The following COL10A1 variants were observed in gnomAD, a reference collection of about 807,000 sequenced individuals.
COL10A1 encodes the protein collagen alpha-1(X) chain.
In COL10A1, 10 loss-of-function variants were observed where a neutral mutation model predicts 18.2. The observed-to-expected ratio is 0.55, with a 90% CI of 0.34 to 0.93. The LOEUF (loss-of-function observed/expected upper bound fraction) is 0.93. COL10A1 is among the 40% of genes least tolerant of loss of function. The probability of loss-of-function intolerance (pLI) is 0.02; values close to 1 mark genes in which losing one functional copy is unlikely to be tolerated. For missense variants in COL10A1, 897 were observed against 853.5 expected (o/e 1.05, Z -0.64); for synonymous variants, 330 against 316.6 (o/e 1.04, Z -0.45).
the COL10A1 span, among the ~76,000 whole-genome samples, chr6:116,210,906 C>A: frequency 6.6e-6 from 1 of 151,980 alleles, no homozygotes; most frequent in African/African-American, 2.4e-5. Context: ...TGTTTGGCAG[C>A]TAGTCTACAA....
chr6:116,187,652 A>G, the COL10A1 span, among the ~76,000 whole-genome samples: 1 of 152,090 alleles, frequency 6.6e-6, no homozygotes, highest in Non-Finnish European at 1.5e-5. Flanking sequence ...AGAGTTGGAA[A>G]TCTATGTAGA....
At chr6:116,204,683 A>G in the COL10A1 span, among the ~76,000 whole-genome samples, 3 of 151,992 alleles carry the variant, frequency 2.0e-5, no homozygotes, top group African/African-American at 7.2e-5. Flanking sequence ...TCCAGAATTT[A>G]TAATGAAAAA....
intron 1 of COL10A1, among the ~76,000 whole-genome samples, chr6:116,136,352 G>T (rs962266477): frequency 1.3e-5 from 2 of 151,902 alleles, no homozygotes; most frequent in Admixed American, 1.3e-4. Context: ...GGACAAGGGG[G>T]CTGACACCTG....
the COL10A1 span, among the ~76,000 whole-genome samples, chr6:116,171,305 G>T: frequency 6.6e-6 from 1 of 152,050 alleles, no homozygotes; most frequent in Non-Finnish European, 1.5e-5. Context: ...TAAATATGTG[G>T]TTTTTGCTTT....
intron 1 of COL10A1, among the ~76,000 whole-genome samples, chr6:116,155,549 A>G (rs1228412903): frequency 6.6e-6 from 1 of 152,112 alleles, no homozygotes; most frequent in Non-Finnish European, 1.5e-5. Flanking sequence ...AACAATTTAA[A>G]ATGACTTTGA....
At chr6:116,175,621 TTC>T in the COL10A1 span, among the ~76,000 whole-genome samples, 4 of 152,230 alleles carry the variant, frequency 2.6e-5, no homozygotes, top group African/African-American at 4.8e-5. Context: ...CACAGTTTTT[TTC>T]TCTTTGTGTT....
the COL10A1 span, among the ~76,000 whole-genome samples, chr6:116,178,724 A>G: frequency 6.6e-6 from 1 of 152,200 alleles, no homozygotes; most frequent in Non-Finnish European, 1.5e-5. Context: ...TCCCTATAAT[A>G]ATAAAACCTC....
At chr6:116,145,145 T>G (rs1779864760) in intron 1 of COL10A1, among the ~76,000 whole-genome samples, 1 of 152,180 alleles carries the variant, frequency 6.6e-6, no homozygotes, top group African/African-American at 2.4e-5. Flanking sequence ...GATTGAAAGC[T>G]TCTTTAAACT....
At chr6:116,173,728 G>A in the COL10A1 span, among the ~76,000 whole-genome samples, 1 of 152,034 alleles carries the variant, frequency 6.6e-6, no homozygotes, top group Non-Finnish European at 1.5e-5. Context: ...ATCCCTAAAT[G>A]TATAGAAAAA....
the COL10A1 span, among the ~76,000 whole-genome samples, chr6:116,168,278 C>T: frequency 6.6e-6 from 1 of 151,678 alleles, no homozygotes; most frequent in African/African-American, 2.4e-5. Context: ...TGATCTTTCA[C>T]CTTCTCTCTT....
At position 116,121,736 on chromosome 6, in the gene COL10A1, C is replaced by T. The variant is rs374272456; in HGVS notation, c.380G>A (p.Gly127Glu). Reference protein sequence around the residue: ...PGERGPYGPKGDVGPAGLPGP... With the variant: ...PGERGPYGPKEDVGPAGLPGP... ...TGGTAGGCCAGCTGGTCCAACATCT[C>T]CTTTTGGTCCATATGGTCCTCTCTC... The change falls in exon 3 of 3, where the codon GGA (glycine) becomes GAA (glutamate). Residue 127 changes from glycine (G) to glutamate (E), a missense_variant. By Grantham distance (98) the Gly-to-Glu change is moderately conservative. Coordinates refer to ENST00000651968, the MANE Select transcript of COL10A1 (RefSeq NM_000493.4). 2 of 1,613,890 alleles carry T rather than the reference C, an allele frequency of 1.2e-6. No homozygotes were observed. Among genetic ancestry groups the T allele is most frequent in the African/African-American group, 1.3e-5 (1 of 74,852 alleles).
chr6:116,195,351 A>T, the COL10A1 span, among the ~76,000 whole-genome samples: 1 of 152,058 alleles, frequency 6.6e-6, no homozygotes, highest in Non-Finnish European at 1.5e-5. Context: ...TTTTTTTGGA[A>T]ACACCATTTT....
Position 116,120,231 on chromosome 6 carries a change from T to C in COL10A1, c.1885A>G (p.Thr629Ala). The C allele has an allele frequency of 6.2e-7, 1 of 1,614,184 alleles. No individual in the cohort carries two copies. The highest frequency in any genetic ancestry group is 8.5e-7 in the Non-Finnish European group (1 of 1,180,024). Reference protein sequence around the residue: ...TPVMYTYDEYTKGYLDQASGS... With the variant: ...TPVMYTYDEYAKGYLDQASGS... Reference sequence around the variant, plus strand: ...GAAGCCTGATCCAGGTAGCCTTTGGTGTATTCATCATAGGTGTACATTACA... The same window carrying C: ...GAAGCCTGATCCAGGTAGCCTTTGGCGTATTCATCATAGGTGTACATTACA... Residue 629 changes from threonine to alanine, a missense_variant, in exon 3 of 3, where the codon ACC becomes GCC. By Grantham distance (58) the Thr-to-Ala change is moderately conservative. Transcript: ENST00000651968.
the COL10A1 span, among the ~76,000 whole-genome samples, chr6:116,197,220 T>C: frequency 1.3e-5 from 2 of 152,012 alleles, no homozygotes; most frequent in South Asian, 2.1e-4. Context: ...GCCACGGATC[T>C]GCTTTGCCTG....
chr6:116,206,530 G>A, the COL10A1 span, among the ~76,000 whole-genome samples: 2 of 151,946 alleles, frequency 1.3e-5, no homozygotes, highest in Non-Finnish European at 2.9e-5. Flanking sequence ...TTATCTGTGT[G>A]TCTACTCTGG....
At chr6:116,153,279 A>T (rs1357142823) in intron 1 of COL10A1, among the ~76,000 whole-genome samples, 1 of 152,128 alleles carries the variant, frequency 6.6e-6, no homozygotes, top group Admixed American at 6.6e-5. Flanking sequence ...GACACATAAA[A>T]GATCAGAGTA....
At chr6:116,146,929 TA>T (rs990319835) in intron 1 of COL10A1, among the ~76,000 whole-genome samples, 1 of 150,890 alleles carries the variant, frequency 6.6e-6, no homozygotes, top group Non-Finnish European at 1.5e-5. Flanking sequence ...GTCTATGGAT[TA>T]AAAAATAAAT....
chr6:116,206,365 G>A, the COL10A1 span, among the ~76,000 whole-genome samples: 3 of 151,994 alleles, frequency 2.0e-5, no homozygotes, highest in African/African-American at 7.2e-5. Context: ...TGGGGTGAGT[G>A]TTATAACTGT....
intron 1 of COL10A1, among the ~76,000 whole-genome samples, chr6:116,134,988 C>G (rs1779554592): frequency 6.6e-6 from 1 of 152,122 alleles, no homozygotes; most frequent in African/African-American, 2.4e-5. Context: ...TTCAGAGCAA[C>G]AAATAACTTT....
Sources: gnomAD v4.1 joint callset for allele counts (sites outside exome capture counted in the v4.1 genomes callset) on GRCh38, gnomAD v4.1.1 for gene constraint, MANE v1.5 for transcripts, NCBI Gene and HGNC (gene_info 2026-07-23, HGNC 2026-07-21) for gene names.